FGGY: variants seen among roughly 807,000 people sequenced by gnomAD.
FGGY encodes the protein FGGY carbohydrate kinase domain-containing protein.
Under a neutral mutation model 71.3 loss-of-function variants are expected in FGGY, and 72 were observed. The observed-to-expected ratio is 1.01, with a 90% CI of 0.84 to 1.23. FGGY has a LOEUF of 1.23. Among genes scored for constraint, FGGY ranks in the 50% most tolerant of loss-of-function variants. The pLI is 0.00. For missense variants in FGGY, 668 were observed against 682.3 expected (o/e 0.98, Z 0.23); for synonymous variants, 251 against 250.3 (o/e 1.00, Z -0.02).
chr1:59,488,658 A>C lies in FGGY; in HGVS notation c.671-23653A>C, dbSNP rs191997223. Among the ~76,000 whole-genome samples the C allele has an allele frequency of 9.0e-4, 135 of 150,728 alleles. No homozygotes were observed. In the East Asian group the frequency reaches 0.017, roughly 19 times the overall value. ...GAAATACTTTATATGCATGTTGTTA[A>C]AACTCTTCAAATATACAGCTTTTAA... On this transcript the variant is annotated intron_variant, in intron 6 of 15. Transcript: ENST00000303721.
At chr1:59,705,839 T>C (rs989365048) in intron 14 of FGGY, among the ~76,000 whole-genome samples, 2 of 152,226 alleles carry the variant, frequency 1.3e-5, no homozygotes, top group South Asian at 2.1e-4. Context: ...AAGACCTTTT[T>C]TCCCCTGGAC....
At chr1:59,561,541 C>T (rs1315530133) in intron 8 of FGGY, among the ~76,000 whole-genome samples, 1 of 152,102 alleles carries the variant, frequency 6.6e-6, no homozygotes, top group African/African-American at 2.4e-5. Context: ...TATCTCTGAA[C>T]CCAGGCAGTA....
At chr1:59,599,414 G>T (rs116196097) in intron 8 of FGGY, among the ~76,000 whole-genome samples, 1 of 152,006 alleles carries the variant, frequency 6.6e-6, no homozygotes, top group Admixed American at 6.6e-5. Context: ...TAAGTAAGTG[G>T]CTGGGTGCAG....
Position 59,584,511 on chromosome 1 carries a change from G to A in FGGY, c.904-23292G>A, listed in dbSNP as rs540088467. ...CTCTCAATAAATTAGGTATTGATGG[G>A]ACGTATCTCAAAATAATAAGACCTA... On this transcript the variant is annotated intron_variant, in intron 8 of 15. Coordinates refer to ENST00000303721, the MANE Select transcript of FGGY (RefSeq NM_018291.5). Among the ~76,000 whole-genome samples, 26 of 149,928 alleles carry A rather than the reference G, an allele frequency of 1.7e-4. No individual in the cohort carries two copies. In the East Asian group the frequency reaches 4.9e-3, roughly 28 times the overall value.
At chr1:59,442,551 A>G (rs904545317) in intron 5 of FGGY, among the ~76,000 whole-genome samples, 1 of 152,094 alleles carries the variant, frequency 6.6e-6, no homozygotes, top group Non-Finnish European at 1.5e-5. Context: ...TACTTCACCA[A>G]CTTCCTTTTA....
intron 6 of FGGY, among the ~76,000 whole-genome samples, chr1:59,474,998 A>C (rs190893199): frequency 1.4e-4 from 21 of 152,354 alleles, no homozygotes; most frequent in Non-Finnish European, 2.9e-4. Flanking sequence ...ATAGGTCTTC[A>C]GAAAATGAAA....
chr1:59,489,453 G>A (rs1317477228), intron 6 of FGGY, among the ~76,000 whole-genome samples: 1 of 151,986 alleles, frequency 6.6e-6, no homozygotes, highest in Non-Finnish European at 1.5e-5. Context: ...CAACATGTGG[G>A]CAAGAATATG....
chr1:59,743,104 C>T (rs1408418121), intron 14 of FGGY, among the ~76,000 whole-genome samples: 2 of 152,282 alleles, frequency 1.3e-5, no homozygotes, highest in African/African-American at 2.4e-5. Flanking sequence ...TCATCTATAG[C>T]TTCATCTCCT....
intron 5 of FGGY, among the ~76,000 whole-genome samples, chr1:59,417,651 T>C (rs1217165844): frequency 6.6e-6 from 1 of 152,236 alleles, no homozygotes; most frequent in Admixed American, 6.5e-5. Context: ...TTAGTGGGTG[T>C]GAAGTGGTAT....
At chr1:59,423,146 C>G (rs1246873003) in intron 5 of FGGY, among the ~76,000 whole-genome samples, 1 of 152,162 alleles carries the variant, frequency 6.6e-6, no homozygotes, top group Non-Finnish European at 1.5e-5. Context: ...GCCAGAGCTT[C>G]CTTTACTGGA....
intron 1 of FGGY, among the ~76,000 whole-genome samples, chr1:59,313,995 TTTG>T (rs2044898059): frequency 1.3e-5 from 2 of 151,894 alleles, no homozygotes; most frequent in African/African-American, 4.8e-5. Flanking sequence ...AGAATCTCGC[TTTG>T]TTGTGTTGCC....
chr1:59,640,099 A>T (rs902007244), intron 11 of FGGY, among the ~76,000 whole-genome samples: 1 of 152,198 alleles, frequency 6.6e-6, no homozygotes, highest in Admixed American at 6.5e-5. Flanking sequence ...TTACTTTTTT[A>T]AAAAGTTGTA....
At chr1:59,407,734 C>T (rs2062980651) in intron 5 of FGGY, among the ~76,000 whole-genome samples, 1 of 152,060 alleles carries the variant, frequency 6.6e-6, no homozygotes, top group African/African-American at 2.4e-5. Flanking sequence ...ATTTTAAGCC[C>T]CCTGTGTTGG....
intron 1 of FGGY, among the ~76,000 whole-genome samples, chr1:59,320,128 T>A (rs835406): frequency 0.42 from 64,564 of 152,042 alleles, 14,564 homozygotes; most frequent in African/African-American, 0.58. Flanking sequence ...AAATGTTACT[T>A]CTGCAGCTTC....
intron 5 of FGGY, among the ~76,000 whole-genome samples, chr1:59,403,140 A>G (rs1336665065): frequency 6.6e-6 from 1 of 152,224 alleles, no homozygotes; most frequent in Non-Finnish European, 1.5e-5. Flanking sequence ...AAAAGAAGCT[A>G]TGAGTTACCA....
chr1:59,531,143 C>G (rs1046850787), intron 7 of FGGY, among the ~76,000 whole-genome samples: 2 of 152,198 alleles, frequency 1.3e-5, no homozygotes, highest in African/African-American at 4.8e-5. Context: ...TAAGCAGAGT[C>G]TATGTGTCAG....
intron 6 of FGGY, among the ~76,000 whole-genome samples, chr1:59,459,253 A>G (rs2091975267): frequency 6.6e-6 from 1 of 152,230 alleles, no homozygotes; most frequent in Admixed American, 6.5e-5. Context: ...ATCAAATGCA[A>G]TATTTATATG....
chr1:59,397,273 C>T (rs918233050), intron 5 of FGGY, among the ~76,000 whole-genome samples: 6 of 152,070 alleles, frequency 3.9e-5, no homozygotes, highest in African/African-American at 1.4e-4. Context: ...ACTGGTATTC[C>T]ATTCCACGGC....
At chr1:59,644,975 C>CA (rs397940421) in intron 11 of FGGY, among the ~76,000 whole-genome samples, 12,360 of 133,490 alleles carry the variant, frequency 0.093, 1,398 homozygotes, top group African/African-American at 0.28. Flanking sequence ...GGCTCCATCT[C>CA]AAAAAAAAAA....
Sources: gnomAD v4.1 joint callset for allele counts (sites outside exome capture counted in the v4.1 genomes callset) on GRCh38, gnomAD v4.1.1 for gene constraint, MANE v1.5 for transcripts, NCBI Gene and HGNC (gene_info 2026-07-23, HGNC 2026-07-21) for gene names.